The following SCAPER variants were observed in gnomAD, a reference collection of about 807,000 sequenced individuals.
The protein encoded by SCAPER is S-phase cyclin A associated protein in the ER.
Under a neutral mutation model 182.2 loss-of-function variants are expected in SCAPER, and 98 were observed. That is an observed-to-expected ratio of 0.54 (90% CI 0.46 to 0.64). The LOEUF is 0.64. Among genes scored for constraint, SCAPER ranks in the 30% least tolerant of loss-of-function variants. The pLI, the probability that SCAPER is intolerant of heterozygous loss-of-function variation, is 0.00. For missense variants in SCAPER, 1,432 were observed against 1,690.0 expected, an observed-to-expected ratio of 0.85 and a Z score of 2.68; for synonymous variants, 605 against 564.6, an observed-to-expected ratio of 1.07 and a Z score of -1.01.
intron 22 of SCAPER, among the ~76,000 whole-genome samples, chr15:76,598,106 G>GA (rs1278622884): frequency 0.027 from 2,927 of 107,356 alleles, 365 homozygotes; most frequent in African/African-American, 0.073. Context: ...AAATGTACAA[G>GA]AAAAAAAAAA....
rs541118466 is a variant in SCAPER, at chr15:76,596,599, T to C, written c.2712-22315A>G. On this transcript the variant is annotated intron_variant, in intron 22 of 31. Transcript: ENST00000563290. ...TGGCAAACCAAATCTGGCAGCACAT[T>C]AAAAAGCTTATCTACCATGATCAAG... 7.5e-5 allele frequency among the ~76,000 whole-genome samples: 9 copies of C among 120,468 alleles called. 1 individual carries two copies. The highest frequency in any genetic ancestry group is 1.5e-4 in the African/African-American group (6 of 39,502). The allele number at this position is 120,468 out of a possible 152,430, so 79.0% of individuals were successfully genotyped here.
intron 17 of SCAPER, among the ~76,000 whole-genome samples, chr15:76,722,828 A>G (rs2060338047): frequency 6.6e-6 from 1 of 150,434 alleles, no homozygotes; most frequent in Non-Finnish European, 1.5e-5. Flanking sequence ...TTTCTTCTTT[A>G]TTAGTCTTGC....
chr15:76,892,864 A>G (rs1458718150), intron 1 of SCAPER, among the ~76,000 whole-genome samples: 1 of 152,192 alleles, frequency 6.6e-6, no homozygotes, highest in African/African-American at 2.4e-5. Flanking sequence ...ATAAAGACAC[A>G]TGCACACGTA....
At position 76,548,689 on chromosome 15, in the gene SCAPER, T is replaced by C. The variant is rs549826978; in HGVS notation, c.2838+25469A>G. Among the ~76,000 whole-genome samples, 6 of 152,298 alleles carry C rather than the reference T, an allele frequency of 3.9e-5. No individual in the cohort carries two copies. In the East Asian group the frequency reaches 1.2e-3, roughly 29 times the overall value. On this transcript the variant is annotated intron_variant, in intron 23 of 31. Coordinates refer to ENST00000563290, the MANE Select transcript of SCAPER (RefSeq NM_020843.4). ...TGACAAACCTGACAAAAACAAGCAA[T>C]GGGGAAAGGATTCCCTATTTAATAA...
rs189060658 is a variant in SCAPER at position 76,470,719 on chromosome 15, C to A, written c.3078+493G>T. Among the ~76,000 whole-genome samples, 292 of 152,184 alleles carry A rather than the reference C, an allele frequency of 1.9e-3. 1 individual carries two copies. Among genetic ancestry groups the A allele is most frequent in the Non-Finnish European group, 5.1e-4 (35 of 67,994 alleles). On this transcript the variant is annotated intron_variant, in intron 25 of 31. Coordinates refer to ENST00000563290, the MANE Select transcript of SCAPER (RefSeq NM_020843.4). ...TTAAGGTGAAAATTGGCTGCTTGTT[C>A]CCATTTCAACAATATAACAAGTTTT... is the stretch of plus-strand genomic sequence containing the variant.
At chr15:76,647,727 A>G (rs1319135575) in intron 21 of SCAPER, among the ~76,000 whole-genome samples, 1 of 152,224 alleles carries the variant, frequency 6.6e-6, no homozygotes, top group African/African-American at 2.4e-5. Flanking sequence ...CAGGAACTGT[A>G]AGCTGAACAA....
intron 22 of SCAPER, among the ~76,000 whole-genome samples, chr15:76,616,133 T>C (rs953684293): frequency 6.6e-6 from 1 of 152,114 alleles, no homozygotes; most frequent in African/African-American, 2.4e-5. Context: ...TCTGGATATA[T>C]ACAGAAAATA....
intron 20 of SCAPER, among the ~76,000 whole-genome samples, chr15:76,689,761 G>C (rs2058245798): frequency 1.3e-5 from 2 of 150,966 alleles, no homozygotes; most frequent in South Asian, 4.2e-4. Flanking sequence ...TACCAGAGAA[G>C]GCTGCTGCTT....
intron 23 of SCAPER, among the ~76,000 whole-genome samples, chr15:76,523,711 A>G (rs186290029): frequency 1.3e-5 from 2 of 152,258 alleles, no homozygotes; most frequent in East Asian, 3.9e-4. Context: ...CAGAAGAGTA[A>G]TAACGGTTTA....
chr15:76,783,143 A>C (rs1399522002), intron 8 of SCAPER, among the ~76,000 whole-genome samples: 1 of 152,196 alleles, frequency 6.6e-6, no homozygotes, highest in African/African-American at 2.4e-5. Flanking sequence ...TAGCAAGACT[A>C]ACAAAGAAGA....
intron 22 of SCAPER, among the ~76,000 whole-genome samples, chr15:76,581,739 C>T (rs113208054): frequency 1.4e-3 from 215 of 152,158 alleles, no homozygotes; most frequent in African/African-American, 5.1e-3. Context: ...GCTCACACCA[C>T]CATGCCTGGC....
chr15:76,779,416 C>T (rs1419542166), intron 8 of SCAPER, among the ~76,000 whole-genome samples: 1 of 152,102 alleles, frequency 6.6e-6, no homozygotes, highest in African/African-American at 2.4e-5. Flanking sequence ...ATACTACAAA[C>T]AACTTTATGC....
chr15:76,660,333 C>T (rs1299246726), intron 21 of SCAPER, among the ~76,000 whole-genome samples: 1 of 152,166 alleles, frequency 6.6e-6, no homozygotes, highest in Non-Finnish European at 1.5e-5. Context: ...AGCAAATATC[C>T]TGTGACATGC....
At chr15:76,496,285 T>C (rs919743038) in intron 24 of SCAPER, among the ~76,000 whole-genome samples, 6 of 151,310 alleles carry the variant, frequency 4.0e-5, no homozygotes, top group African/African-American at 7.3e-5. Context: ...TCTGAGAGAG[T>C]AGGGTCTGAA....
At chr15:76,645,967 A>G (rs919691174) in intron 21 of SCAPER, among the ~76,000 whole-genome samples, 3 of 152,164 alleles carry the variant, frequency 2.0e-5, no homozygotes, top group African/African-American at 7.2e-5. Context: ...CCTCTGTTCA[A>G]CTTAGGTATC....
chr15:76,857,644 T>G (rs988463961), intron 4 of SCAPER, among the ~76,000 whole-genome samples, 165 bp downstream of exon 4: 4 of 152,144 alleles, frequency 2.6e-5, no homozygotes, highest in Non-Finnish European at 5.9e-5. Flanking sequence ...TTAGTACAAG[T>G]AAGTCACACT....
intron 11 of SCAPER, 82 bp downstream of exon 11, chr15:76,766,836 G>A: frequency 9.3e-7 from 1 of 1,080,824 alleles, no homozygotes; most frequent in African/African-American, 1.6e-5. Context: ...GGACTAGATG[G>A]ACTCCAAGTC....
intron 22 of SCAPER, among the ~76,000 whole-genome samples, chr15:76,601,175 G>GT (rs1476948031): frequency 8.2e-6 from 1 of 121,906 alleles, no homozygotes; most frequent in Non-Finnish European, 2.0e-5. Context: ...ATGGGTGATG[G>GT]ATGTTGTCAA....
chr15:76,606,348 C>T (rs564781454), intron 22 of SCAPER, among the ~76,000 whole-genome samples: 9 of 152,266 alleles, frequency 5.9e-5, no homozygotes, highest in East Asian at 3.9e-4. Context: ...AGTTTCTTAA[C>T]CCTGAGTTCT....
Sources: gnomAD v4.1 joint callset for allele counts (sites outside exome capture counted in the v4.1 genomes callset) on GRCh38, gnomAD v4.1.1 for gene constraint, MANE v1.5 for transcripts, NCBI Gene and HGNC (gene_info 2026-07-23, HGNC 2026-07-21) for gene names.